The following CAMK1D variants were observed in gnomAD, a reference collection of about 807,000 sequenced individuals.
CAMK1D encodes the protein calcium/calmodulin dependent protein kinase ID, also known as calcium/calmodulin-dependent protein kinase type 1D.
CAMK1D carries 9 observed loss-of-function variants against 47.7 expected under a neutral mutation model. That is an observed-to-expected ratio of 0.19 (90% CI 0.11 to 0.33). CAMK1D has a LOEUF of 0.33. Ranked by LOEUF, CAMK1D falls within the 10% of genes least tolerant of loss-of-function variation. The probability of loss-of-function intolerance (pLI) is 1.00; values close to 1 mark genes in which losing one functional copy is unlikely to be tolerated. For missense variants in CAMK1D, 291 were observed against 488.7 expected, an observed-to-expected ratio of 0.60 and a Z score of 3.81; for synonymous variants, 184 against 184.9, an observed-to-expected ratio of 0.99 and a Z score of 0.04.
At chr10:12,401,468 A>T (rs1839221538) in intron 1 of CAMK1D, among the ~76,000 whole-genome samples, 1 of 149,238 alleles carries the variant, frequency 6.7e-6, no homozygotes, top group Admixed American at 6.9e-5. Flanking sequence ...CTGAGCCTCT[A>T]CTTTGTTCTT....
At chr10:12,416,307 C>T (rs1464369403) in intron 1 of CAMK1D, among the ~76,000 whole-genome samples, 1 of 152,142 alleles carries the variant, frequency 6.6e-6, no homozygotes, top group Non-Finnish European at 1.5e-5. Context: ...ATTATGCATG[C>T]AATGCCATTT....
At chr10:12,427,867 C>T (rs1242735260) in intron 1 of CAMK1D, among the ~76,000 whole-genome samples, 1 of 151,360 alleles carries the variant, frequency 6.6e-6, no homozygotes, top group East Asian at 1.9e-4. Flanking sequence ...GCCACCATGC[C>T]TGGCTGATTT....
chr10:12,401,260 T>A lies in CAMK1D; in HGVS notation c.92+51350T>A, dbSNP rs192721493. Among the ~76,000 whole-genome samples the A allele has an allele frequency of 1.6e-3, 47 of 30,322 alleles. 11 individuals carry two copies. The highest frequency in any genetic ancestry group is 2.6e-3 in the South Asian group (3 of 1,136). 19.9% of individuals were successfully genotyped at this position (30,322 alleles called of 152,430 possible). ...ATTTTATATATATATAATATATGTA[T>A]TATATATATTATGTATATATTTTAT... On this transcript the variant is annotated intron_variant, in intron 1 of 10. Transcript: ENST00000619168.
At chr10:12,492,395 G>A (rs1301184638) in intron 1 of CAMK1D, among the ~76,000 whole-genome samples, 3 of 150,942 alleles carry the variant, frequency 2.0e-5, no homozygotes, top group Non-Finnish European at 4.4e-5. Flanking sequence ...GCTCATACCT[G>A]CCATCCACTC....
At chr10:12,555,941 C>T (rs756963665) in intron 2 of CAMK1D, among the ~76,000 whole-genome samples, 8 of 152,156 alleles carry the variant, frequency 5.3e-5, no homozygotes, top group South Asian at 2.1e-4. Context: ...CTTCACCCTG[C>T]GCCTCACTCA....
At chr10:12,399,518 A>G (rs1208265109) in intron 1 of CAMK1D, among the ~76,000 whole-genome samples, 5 of 151,912 alleles carry the variant, frequency 3.3e-5, no homozygotes, top group Middle Eastern at 3.2e-3. Flanking sequence ...AAAAAAAAGA[A>G]GTTGAGGGTC....
At chr10:12,721,777 T>G (rs560123060) in intron 3 of CAMK1D, among the ~76,000 whole-genome samples, 1 of 151,848 alleles carries the variant, frequency 6.6e-6, no homozygotes, top group Non-Finnish European at 1.5e-5. Flanking sequence ...GAGATTAGGG[T>G]TGTGTGGACC....
intron 3 of CAMK1D, among the ~76,000 whole-genome samples, chr10:12,737,620 C>G (rs750711008): frequency 3.9e-5 from 6 of 152,162 alleles, no homozygotes; most frequent in Admixed American, 2.6e-4. Context: ...TTACCCACTG[C>G]TCTGCCATCC....
intron 3 of CAMK1D, among the ~76,000 whole-genome samples, chr10:12,702,308 C>T (rs1225493029): frequency 6.6e-6 from 1 of 152,132 alleles, no homozygotes; most frequent in African/African-American, 2.4e-5. Flanking sequence ...ACATTCCTGT[C>T]AAATCATTCT....
chr10:12,760,804 G>A (rs1836466384), intron 3 of CAMK1D, 144 bp from the exon 4 acceptor site: 2 of 810,390 alleles, frequency 2.5e-6, no homozygotes, highest in East Asian at 5.2e-5. Flanking sequence ...CCTGGCTATA[G>A]CCTCTGAGGA....
chr10:12,415,746 GTT>G (rs148855799), intron 1 of CAMK1D, among the ~76,000 whole-genome samples: 371 of 139,140 alleles, frequency 2.7e-3, no homozygotes, highest in African/African-American at 8.7e-3. Context: ...TTAAAATTAC[GTT>G]TTTTTTTTTT....
At chr10:12,551,766 T>C (rs1246957427) in intron 1 of CAMK1D, among the ~76,000 whole-genome samples, 1 of 151,934 alleles carries the variant, frequency 6.6e-6, no homozygotes, top group Non-Finnish European at 1.5e-5. Flanking sequence ...GCACAAGAAA[T>C]GTAATGCACT....
chr10:12,528,853 T>C (rs1371494736), intron 1 of CAMK1D, among the ~76,000 whole-genome samples: 1 of 151,824 alleles, frequency 6.6e-6, no homozygotes, highest in African/African-American at 2.4e-5. Flanking sequence ...GCAATCCTCC[T>C]GCTTCAGCCT....
intron 2 of CAMK1D, among the ~76,000 whole-genome samples, chr10:12,590,175 T>C (rs2132359211): frequency 6.6e-6 from 1 of 152,310 alleles, no homozygotes; most frequent in South Asian, 2.1e-4. Context: ...GATATGCATA[T>C]CTTTACTTCT....
At chr10:12,486,227 C>G (rs1834210656) in intron 1 of CAMK1D, among the ~76,000 whole-genome samples, 1 of 151,482 alleles carries the variant, frequency 6.6e-6, no homozygotes, top group Non-Finnish European at 1.5e-5. Context: ...GGCACGATCC[C>G]AGCTCACTGC....
chr10:12,561,461 G>A (rs1319610847), intron 2 of CAMK1D, among the ~76,000 whole-genome samples: 1 of 151,618 alleles, frequency 6.6e-6, no homozygotes, highest in Non-Finnish European at 1.5e-5. Flanking sequence ...CCATAATGAT[G>A]GCCCTTCCTT....
intron 1 of CAMK1D, among the ~76,000 whole-genome samples, chr10:12,369,124 G>C (rs1837935869): frequency 6.6e-6 from 1 of 152,070 alleles, no homozygotes; most frequent in African/African-American, 2.4e-5. Flanking sequence ...CAGGATTTTG[G>C]ACAATTGAGA....
intron 1 of CAMK1D, among the ~76,000 whole-genome samples, chr10:12,488,084 C>G (rs1194199633): frequency 6.6e-6 from 1 of 152,174 alleles, no homozygotes; most frequent in Non-Finnish European, 1.5e-5. Context: ...TCTCCCAACC[C>G]CATTCACTCT....
intron 3 of CAMK1D, among the ~76,000 whole-genome samples, chr10:12,755,721 C>T (rs1258301139): frequency 3.9e-5 from 6 of 152,016 alleles, no homozygotes; most frequent in Admixed American, 3.9e-4. Context: ...GCACATGTAC[C>T]CTAAAACTTT....
Sources: gnomAD v4.1 joint callset for allele counts (sites outside exome capture counted in the v4.1 genomes callset) on GRCh38, gnomAD v4.1.1 for gene constraint, MANE v1.5 for transcripts, NCBI Gene and HGNC (gene_info 2026-07-23, HGNC 2026-07-21) for gene names.